The following MTR variants were observed in gnomAD, a reference collection of about 807,000 sequenced individuals.
MTR encodes the protein 5-methyltetrahydrofolate-homocysteine methyltransferase, also known as methionine synthase.
A neutral mutation model predicts 154.8 loss-of-function variants in MTR; 84 were observed. The ratio of observed to expected loss-of-function variants is 0.54; its 90% confidence interval spans 0.45 to 0.65. The LOEUF (loss-of-function observed/expected upper bound fraction) is 0.65, where lower values mean the gene tolerates loss of function less well. Among genes scored for constraint, MTR ranks in the 30% least tolerant of loss-of-function variants. The probability of loss-of-function intolerance (pLI) is 0.00; values close to 1 mark genes in which losing one functional copy is unlikely to be tolerated. For missense variants in MTR, 1,275 were observed against 1,570.2 expected, an observed-to-expected ratio of 0.81 and a Z score of 3.18; for synonymous variants, 554 against 553.9, an observed-to-expected ratio of 1.00 and a Z score of 0.00.
At chr1:236,866,053 CTT>C (rs939464843) in intron 22 of MTR, among the ~76,000 whole-genome samples, 2 of 152,058 alleles carry the variant, frequency 1.3e-5, no homozygotes, top group African/African-American at 4.8e-5. Flanking sequence ...TTTTTTTTGA[CTT>C]GAGTTGTAAA....
rs1004680581 is a variant in MTR, at chr1:236,902,710, CAGAA to C, written c.*5073_*5076del. On this transcript the variant is annotated 3_prime_UTR_variant, in exon 33 of 33. Coordinates refer to ENST00000366577, the MANE Select transcript of MTR (RefSeq NM_000254.3). ...GGGAGCATGATGGTTTTCTCTCTCT[CAGAA>C]AGAAAGCGCTGTATCAAAGCCCTAG... is the stretch of plus-strand genomic sequence containing the variant. 5 of 152,278 alleles carry C rather than the reference CAGAA, an allele frequency of 3.3e-5. No homozygotes were observed. The highest frequency in any genetic ancestry group is 7.2e-5 in the African/African-American group (3 of 41,538). The allele number at this position is 152,278 out of a possible 1,614,324, so 9.4% of individuals were successfully genotyped here.
intron 30 of MTR, 183 bp from the exon 31 acceptor site, chr1:236,895,175 G>T: frequency 1.4e-6 from 1 of 712,148 alleles, no homozygotes; most frequent in Non-Finnish European, 2.4e-6. Flanking sequence ...GAGCTGCAGA[G>T]CAGCAGCTGA....
At chr1:236,881,952 A>T (rs1307354886) in intron 25 of MTR, among the ~76,000 whole-genome samples, 1 of 152,170 alleles carries the variant, frequency 6.6e-6, no homozygotes, top group Non-Finnish European at 1.5e-5. Context: ...TCAAAGTGGC[A>T]GGTGTGGGAT....
At chr1:236,800,335 G>T in intron 1 of MTR, 1 of 985,368 alleles carries the variant, frequency 1.0e-6, no homozygotes, top group Non-Finnish European at 1.2e-6. Context: ...AATTTCATGT[G>T]CATGACCTAT....
chr1:236,796,429 A>G (rs1161139066), intron 1 of MTR, among the ~76,000 whole-genome samples: 1 of 152,246 alleles, frequency 6.6e-6, no homozygotes, highest in Admixed American at 6.5e-5. Flanking sequence ...ATGCCTGATT[A>G]TAATTTGAGG....
intron 1 of MTR, among the ~76,000 whole-genome samples, chr1:236,797,219 T>C (rs1272586285): frequency 1.3e-5 from 2 of 152,170 alleles, no homozygotes; most frequent in Non-Finnish European, 2.9e-5. Context: ...GCAACTTTTA[T>C]TGGGATTAGA....
chr1:236,811,728 AG>A, intron 5 of MTR: 1 of 455,344 alleles, frequency 2.2e-6, no homozygotes, highest in South Asian at 1.6e-5. Context: ...CGTCATTGGC[AG>A]GTTTTTGAAA....
chr1:236,885,727 T>C (rs1191519812), intron 26 of MTR, among the ~76,000 whole-genome samples: 1 of 152,198 alleles, frequency 6.6e-6, no homozygotes, highest in East Asian at 1.9e-4. Flanking sequence ...CAGGCATAAT[T>C]AGGCTTTGGA....
chr1:236,841,907 T>C (rs1485026344), intron 15 of MTR, among the ~76,000 whole-genome samples: 2 of 151,692 alleles, frequency 1.3e-5, no homozygotes, highest in Non-Finnish European at 2.9e-5. Flanking sequence ...TTTTTTTTTT[T>C]TTTGAGACGG....
rs1482321118 is a variant in MTR, at chr1:236,806,209, A to G, written c.315A>G (p.Gln105=). The G allele has an allele frequency of 1.9e-6, 3 of 1,613,986 alleles. No homozygotes were observed. Among genetic ancestry groups the G allele is most frequent in the East Asian group, 4.5e-5 (2 of 44,878 alleles). Residue 105 remains glutamine (Q), a synonymous_variant, in exon 3 of 33, where the codon CAA becomes CAG. Coordinates refer to ENST00000366577, the MANE Select transcript of MTR (RefSeq NM_000254.3). The stretch of plus-strand genomic sequence containing the variant: ...CTTTTAGCAGCACTAGTATTGCCCA[A>G]GCTGACTATGGCCTTGAACACTTGG... ...TNTFSSTSIA[Q]ADYGLEHLAY...
rs1558318185 is a variant in MTR at position 236,861,128 on chromosome 1, A to G, written c.2047A>G (p.Ile683Val). ...ERLEYALVKG[I>V]EKHIIEDTEE... ...TTTTTTTTTTTGTCTTTTTTAGGGC[A>G]TTGAAAAACATATTATTGAGGATAC... Residue 683 changes from isoleucine (I) to valine (V), a missense_variant, in exon 20 of 33, where the codon ATT (isoleucine) becomes GTT (valine). Coordinates refer to ENST00000366577, the MANE Select transcript of MTR (RefSeq NM_000254.3). 2 of 1,446,386 alleles carry G rather than the reference A, an allele frequency of 1.4e-6. No individual in the cohort carries two copies. Among genetic ancestry groups the G allele is most frequent in the Non-Finnish European group, 1.8e-6 (2 of 1,094,694 alleles). The allele number at this position is 1,446,386 out of a possible 1,614,324, so 89.6% of individuals were successfully genotyped here.
chr1:236,795,445 C>G lies in MTR; in HGVS notation c.-259C>G, dbSNP rs2102981395. ...GCGTGTCTGGCTGCTAGGCCGACAC[C>G]AAGGACTGGCCGGGTACCCGGGAAG... On this transcript the variant is annotated 5_prime_UTR_variant, in exon 1 of 33. Coordinates refer to ENST00000366577, the MANE Select transcript of MTR (RefSeq NM_000254.3). The G allele has an allele frequency of 2.7e-6, 4 of 1,490,656 alleles. No homozygotes were observed. Among genetic ancestry groups the G allele is most frequent in the South Asian group, 1.2e-5 (1 of 82,834 alleles). 92.3% of individuals were successfully genotyped at this position (1,490,656 alleles called of 1,614,324 possible).
At position 236,841,301 on chromosome 1, in the gene MTR, A is replaced by G. The variant is rs193218836; in HGVS notation, c.1515+2702A>G. On this transcript the variant is annotated intron_variant, in intron 15 of 32. Transcript: ENST00000366577. ...AGTGCTTACATTATTAAACAGTGTA[A>G]AAGCTGAGCCATGCAGTAGTATACT... 1.1e-4 allele frequency among the ~76,000 whole-genome samples: 17 copies of G among 152,330 alleles called. No individual in the cohort carries two copies. The East Asian group carries it at 2.1e-3, about 19-fold the overall frequency.
Position 236,903,450 on chromosome 1 carries a change from T to C in MTR, c.*5806T>C, listed in dbSNP as rs1398272988. 1 of 151,586 alleles carries C rather than the reference T, an allele frequency of 6.6e-6. No individual in the cohort carries two copies. Among genetic ancestry groups the C allele is most frequent in the South Asian group, 2.1e-4 (1 of 4,824 alleles). The allele number at this position is 151,586 out of a possible 1,614,324, so 9.4% of individuals were successfully genotyped here. On this transcript the variant is annotated 3_prime_UTR_variant, in exon 33 of 33. Transcript: ENST00000366577. ...TCTAATTCCATTTACACTGCATTCT[T>C]CAAATGTAATTTTCAAAGATGCCTT...
chr1:236,816,025 A>G lies in MTR; in HGVS notation c.669+362A>G, dbSNP rs972092768. Among the ~76,000 whole-genome samples, 5 of 152,178 alleles carry G rather than the reference A, an allele frequency of 3.3e-5. No homozygotes were observed. In the East Asian group the frequency reaches 7.7e-4, roughly 23 times the overall value. On this transcript the variant is annotated intron_variant, in intron 7 of 32. Coordinates refer to ENST00000366577, the MANE Select transcript of MTR (RefSeq NM_000254.3). ...TAAGACACCAGACTGCCAATTTATTAACTCAGTAGGCAGACCTCTCTGCGA... is the reference window on the plus strand; with the variant it reads ...TAAGACACCAGACTGCCAATTTATTGACTCAGTAGGCAGACCTCTCTGCGA...
rs1356020244 is a variant in MTR, at chr1:236,874,833, G to A, written c.2581G>A (p.Ala861Thr). The change falls in exon 24 of 33, where the codon GCA (alanine) becomes ACA (threonine). Residue 861 changes from alanine (A) to threonine (T), a missense_variant. Ala to Thr is a moderately conservative substitution (Grantham distance 58). Transcript: ENST00000366577. ...AIRIPLLIGG[A>T]TTSKTHTAVK... ...AAGGATTCCATTGTTGATTGGAGGAGCAACCACTTCAAAGTAAGTTATACT... is the reference window on the plus strand; with the variant it reads ...AAGGATTCCATTGTTGATTGGAGGAACAACCACTTCAAAGTAAGTTATACT... The A allele has an allele frequency of 6.2e-7, 1 of 1,613,720 alleles. No individual in the cohort carries two copies. Among genetic ancestry groups the A allele is most frequent in the East Asian group, 2.2e-5 (1 of 44,838 alleles).
intron 8 of MTR, among the ~76,000 whole-genome samples, chr1:236,818,545 A>T (rs1444042688): frequency 2.0e-5 from 3 of 152,354 alleles, no homozygotes; most frequent in Non-Finnish European, 2.9e-5. Flanking sequence ...TTAATTAAAA[A>T]TTTTTAAAAA....
chr1:236,879,447 G>A (rs1217128212), intron 24 of MTR, among the ~76,000 whole-genome samples: 4 of 152,094 alleles, frequency 2.6e-5, no homozygotes, highest in Admixed American at 6.5e-5. Flanking sequence ...TGTTTTTGTC[G>A]AGGGGGAAGA....
rs557438639 is a variant in MTR at position 236,804,243 on chromosome 1, A to G, written c.249+601A>G. Reference sequence around the variant, plus strand: ...CAATGTTTGTGTCCCCATGAGATTCATATGTAAAATCCTAATGCCTAGTGT... The same window carrying G: ...CAATGTTTGTGTCCCCATGAGATTCGTATGTAAAATCCTAATGCCTAGTGT... On this transcript the variant is annotated intron_variant, in intron 2 of 32. Coordinates refer to ENST00000366577, the MANE Select transcript of MTR (RefSeq NM_000254.3). 6.6e-4 allele frequency among the ~76,000 whole-genome samples: 100 copies of G among 152,316 alleles called. No individual in the cohort carries two copies. In the South Asian group the frequency reaches 0.02, roughly 30 times the overall value.
Sources: gnomAD v4.1 joint callset for allele counts (sites outside exome capture counted in the v4.1 genomes callset) on GRCh38, gnomAD v4.1.1 for gene constraint, MANE v1.5 for transcripts, NCBI Gene and HGNC (gene_info 2026-07-23, HGNC 2026-07-21) for gene names.